CYP2C8: variants seen among roughly 807,000 people sequenced by gnomAD.
The protein encoded by CYP2C8 is cytochrome P450 family 2 subfamily C member 8, also known as cytochrome P450 2C8.
A neutral mutation model predicts 41.3 loss-of-function variants in CYP2C8; 51 were observed. The ratio of observed to expected loss-of-function variants is 1.24; its 90% confidence interval spans 0.99 to 1.56. The LOEUF is 1.56. Among genes scored for constraint, CYP2C8 ranks in the 40% most tolerant of loss-of-function variants. CYP2C8 has a pLI of 0.00. For synonymous variants in CYP2C8, 218 were observed against 205.8 expected (o/e 1.06, Z -0.51); for missense variants, 651 against 579.9 (o/e 1.12, Z -1.26).
At chr10:95,060,567 T>C (rs543055893) in intron 4 of CYP2C8, among the ~76,000 whole-genome samples, 62 of 152,210 alleles carry the variant, frequency 4.1e-4, no homozygotes, top group Non-Finnish European at 7.2e-4. Context: ...GTTTTCTAGA[T>C]ATACAGTCAT....
chr10:95,040,920 A>T (rs1470491588), intron 7 of CYP2C8: 1 of 456,274 alleles, frequency 2.2e-6, no homozygotes, highest in Admixed American at 2.3e-5. Flanking sequence ...AACGTTTCTC[A>T]CCTAGTTTTA....
rs781159467 is a variant in CYP2C8, at chr10:95,058,401, G to T, written c.753C>A (p.His251Gln). 49 of 1,613,392 alleles carry T rather than the reference G, an allele frequency of 3.0e-5. No individual in the cohort carries two copies. The Admixed American group carries it at 7.8e-4, about 26-fold the overall frequency. The change falls in exon 5 of 9, where the codon CAC becomes CAA. Residue 251 changes from histidine to glutamine, a missense_variant. By Grantham distance (24) the His-to-Gln change is conservative. Coordinates refer to ENST00000371270, the MANE Select transcript of CYP2C8 (RefSeq NM_000770.3). ...GATTGTTAACATCCAGTGATGCTTG[G>T]TGTTCTTTTACTTTCTCCCTAATGT... ...RSYIREKVKE[H>Q]QASLDVNNPR...
chr10:95,039,174 G>T, intron 7 of CYP2C8, 136 bp from the exon 8 acceptor site: 3 of 802,644 alleles, frequency 3.7e-6, no homozygotes, highest in Non-Finnish European at 2.1e-6. Context: ...TAATTTACAT[G>T]GATGAGCTTA....
rs148515896 is a variant in CYP2C8 at position 95,038,958 on chromosome 10, G to A, written c.1230C>T (p.Gly410=). 6.0e-4 allele frequency: 969 copies of A among 1,613,784 alleles called. 11 individuals carry two copies. In the East Asian group the frequency reaches 0.02, roughly 33 times the overall value. The change falls in exon 8 of 9, where the codon GGC becomes GGT. Residue 410 remains glycine (G), a synonymous_variant. Transcript: ENST00000371270. ...EFPNPNIFDP[G]HFLDKNGNFK... ...AGTTGCCATTCTTATCTAGAAAGTG[G>A]CCAGGGTCAAAGATATTTGGATTAG...
chr10:95,040,584 G>A (rs2032974470), intron 7 of CYP2C8, among the ~76,000 whole-genome samples: 1 of 152,042 alleles, frequency 6.6e-6, no homozygotes, highest in Non-Finnish European at 1.5e-5. Flanking sequence ...GACCAAAATT[G>A]GCCTCCAGAT....
In CYP2C8 at chr10:95,043,018, C is replaced by T; in HGVS notation, c.1021G>A (p.Asp341Asn). ...TCAGTGTAAGGCATGTGGCTCCTAT[C>T]CTGCATGCAGGGGCTCCTGTGTCTG... ...IGRHRSPCMQ[D>N]RSHMPYTDAV... The change falls in exon 7 of 9, where the codon GAT becomes AAT. Residue 341 changes from aspartate to asparagine, a missense_variant. Coordinates refer to ENST00000371270, the MANE Select transcript of CYP2C8 (RefSeq NM_000770.3). 1.9e-6 allele frequency: 3 copies of T among 1,614,162 alleles called. No individual in the cohort carries two copies. Among genetic ancestry groups the T allele is most frequent in the Non-Finnish European group, 2.5e-6 (3 of 1,180,012 alleles).
chr10:95,062,261 T>A (rs1377345637), intron 4 of CYP2C8, among the ~76,000 whole-genome samples: 2 of 152,056 alleles, frequency 1.3e-5, no homozygotes, highest in South Asian at 2.1e-4. Context: ...CCCATTATTG[T>A]TGTGTGGGAG....
chr10:95,040,559 T>C (rs915273420), intron 7 of CYP2C8, among the ~76,000 whole-genome samples: 1 of 152,188 alleles, frequency 6.6e-6, no homozygotes, highest in African/African-American at 2.4e-5. Context: ...ATAGACAGCA[T>C]TGTAAAGCTG....
At chr10:95,043,342 A>T (rs1313505992) in intron 6 of CYP2C8, among the ~76,000 whole-genome samples, 1 of 152,224 alleles carries the variant, frequency 6.6e-6, no homozygotes, top group African/African-American at 2.4e-5. Context: ...TACATTATTT[A>T]AAAAATAAAC....
At chr10:95,043,132 A>G in intron 6 of CYP2C8, 55 bp from the exon 7 acceptor site, 1 of 1,508,414 alleles carries the variant, frequency 6.6e-7, no homozygotes, top group Non-Finnish European at 9.2e-7. Context: ...AACATTTGTC[A>G]TAGCAATTCA....
chr10:95,038,872 AC>A (rs1265812289), intron 8 of CYP2C8, 24 bp downstream of exon 8: 11 of 1,612,140 alleles, frequency 6.8e-6, no homozygotes, highest in Non-Finnish European at 8.5e-6. Flanking sequence ...TCCTTTAAAT[AC>A]AAATGGAAAC....
chr10:95,061,765 T>C (rs1396935266), intron 4 of CYP2C8, among the ~76,000 whole-genome samples: 3 of 152,258 alleles, frequency 2.0e-5, no homozygotes, highest in Admixed American at 1.3e-4. Context: ...CTGCTTTCTC[T>C]TGTGGGTATT....
At chr10:95,053,464 C>A (rs1402577815) in intron 5 of CYP2C8, among the ~76,000 whole-genome samples, 2 of 152,128 alleles carry the variant, frequency 1.3e-5, no homozygotes, top group African/African-American at 2.4e-5. Context: ...GACACATGTA[C>A]AAGTGTGTTT....
At chr10:95,045,386 T>C (rs1212190097) in intron 6 of CYP2C8, among the ~76,000 whole-genome samples, 1 of 152,194 alleles carries the variant, frequency 6.6e-6, no homozygotes, top group Non-Finnish European at 1.5e-5. Flanking sequence ...AATTCTAGAA[T>C]TTCCACTTAT....
At chr10:95,057,204 G>C (rs1211557848) in intron 5 of CYP2C8, among the ~76,000 whole-genome samples, 1 of 152,032 alleles carries the variant, frequency 6.6e-6, no homozygotes, top group Non-Finnish European at 1.5e-5. Context: ...CTTTCATCCT[G>C]GCCCTGTTTT....
intron 1 of CYP2C8, among the ~76,000 whole-genome samples, chr10:95,068,855 CTG>C: frequency 6.6e-6 from 1 of 152,154 alleles, no homozygotes; most frequent in South Asian, 2.1e-4. Flanking sequence ...GGTCAGGAGA[CTG>C]AGACCATTCT....
In CYP2C8 at chr10:95,051,614, G is replaced by A. The variant is rs1199601305; in HGVS notation, c.820-5663C>T. Among the ~76,000 whole-genome samples the A allele has an allele frequency of 3.3e-5, 5 of 152,000 alleles. No homozygotes were observed. The East Asian group carries it at 9.6e-4, about 29-fold the overall frequency. On this transcript the variant is annotated intron_variant, in intron 5 of 8. Transcript: ENST00000371270. Reference sequence around the variant, plus strand: ...TTGTATTGCCCAGATTTTCTGCTAGGGTTTTTATAGTTTTGGAGCTTACAT... The same window carrying A: ...TTGTATTGCCCAGATTTTCTGCTAGAGTTTTTATAGTTTTGGAGCTTACAT...
intron 1 of CYP2C8, 48 bp from the exon 2 acceptor site, chr10:95,067,739 C>T (rs1012637526): frequency 6.4e-7 from 1 of 1,554,830 alleles, no homozygotes; most frequent in Non-Finnish European, 8.9e-7. Flanking sequence ...CTATTTGCTC[C>T]AAATACTATG....
chr10:95,051,729 T>C (rs1426695723), intron 5 of CYP2C8, among the ~76,000 whole-genome samples: 1 of 151,992 alleles, frequency 6.6e-6, no homozygotes, highest in Non-Finnish European at 1.5e-5. Context: ...AGTGGGACAA[T>C]GAAGAAATTA....
Sources: gnomAD v4.1 joint callset for allele counts (sites outside exome capture counted in the v4.1 genomes callset) on GRCh38, gnomAD v4.1.1 for gene constraint, MANE v1.5 for transcripts, NCBI Gene and HGNC (gene_info 2026-07-23, HGNC 2026-07-21) for gene names.